The following MYO1C variants were observed in gnomAD, a reference collection of about 807,000 sequenced individuals.
MYO1C encodes unconventional myosin-Ic.
A neutral mutation model predicts 150.8 loss-of-function variants in MYO1C; 104 were observed. The ratio of observed to expected loss-of-function variants is 0.69; its 90% CI spans 0.59 to 0.81. MYO1C has a LOEUF of 0.81. Among genes scored for constraint, MYO1C ranks in the 30% least tolerant of loss-of-function variants. The pLI is 0.00. For missense variants in MYO1C, 1,504 were observed against 1,435.0 expected (o/e 1.05, Z -0.78); for synonymous variants, 663 against 579.9 (o/e 1.14, Z -2.06).
chr17:1,485,053 A>C (rs2074623131), intron 1 of MYO1C: 1 of 1,194,884 alleles, frequency 8.4e-7, no homozygotes, highest in Admixed American at 2.3e-5. Context: ...CCTTTCCTCC[A>C]GCTGCTGGGC....
intron 1 of MYO1C, chr17:1,486,240 GA>G (rs1210878869): frequency 6.6e-6 from 1 of 152,272 alleles, no homozygotes. Context: ...CTCCGTGCGG[GA>G]CGCCGTCCAC....
At position 1,471,356 on chromosome 17, in the gene MYO1C, C is replaced by A. The variant is rs45482194; in HGVS notation, c.2022-20G>T. ...TTGTACCTGGGGACAGGAATGCACG[C>A]GGCTCCCACCCCAGTCAGCAGCCTG... On this transcript the variant is annotated intron_variant, in intron 19 of 31. Transcript: ENST00000648651. The A allele has an allele frequency of 6.2e-7, 1 of 1,606,720 alleles. No individual in the cohort carries two copies. The highest frequency in any genetic ancestry group is 8.5e-7 in the Non-Finnish European group (1 of 1,174,580).
chr17:1,480,865 G>A lies in MYO1C; in HGVS notation c.648C>T (p.His216=), dbSNP rs750126885. 3.1e-6 allele frequency: 5 copies of A among 1,614,110 alleles called. No homozygotes were observed. The East Asian group carries it at 6.7e-5, about 22-fold the overall frequency. The part of the protein sequence containing the change: ...FDFKGAPVGG[H]ILSYLLEKSR... ...ACTTTTCCAGGAGGTAACTGAGGAT[G>A]TGGCCACCCACGGGGGCACCCTGTG... The change falls in exon 6 of 32, where the codon CAC becomes CAT. Residue 216 remains histidine (H), a synonymous_variant. Transcript: ENST00000648651.
At chr17:1,485,334 T>A in intron 1 of MYO1C, 2 of 631,608 alleles carry the variant, frequency 3.2e-6, no homozygotes, top group Admixed American at 9.7e-5. Flanking sequence ...CGGTGTCCTC[T>A]GACCACGAAA....
chr17:1,468,627 G>T, intron 25 of MYO1C, 131 bp from the exon 26 acceptor site: 6 of 728,914 alleles, frequency 8.2e-6, no homozygotes, highest in Non-Finnish European at 1.4e-5. Flanking sequence ...AGCACCAGGA[G>T]GCTGAGCCCT....
Position 1,478,161 on chromosome 17 carries a change from C to T in MYO1C, c.1327G>A (p.Glu443Lys), listed in dbSNP as rs1023038678. 1.3e-5 allele frequency: 21 copies of T among 1,613,894 alleles called. 1 individual carries two copies. Among genetic ancestry groups the T allele is most frequent in the South Asian group, 2.2e-5 (2 of 91,086 alleles). ...TCGATGAAGAGCTGCTGCAGCTTCT[C>T]GTTGCAGTAATTGATGCAGAACTGC... The part of the protein sequence containing the change: ...FEQFCINYCN[E>K]KLQQLFIELT... Residue 443 changes from glutamate to lysine, a missense_variant, in exon 12 of 32, where the codon GAG (glutamate) becomes AAG (lysine). Transcript: ENST00000648651. This position sits in a 1 kb window ranked among gnomAD's most constrained non-coding sequence, Gnocchi z 6.3.
In MYO1C at chr17:1,483,669, G is replaced by A; in HGVS notation, c.288C>T (p.Tyr96=). 6.2e-7 allele frequency: 1 copy of A among 1,613,354 alleles called. No individual in the cohort carries two copies. The highest frequency in any genetic ancestry group is 1.1e-5 in the South Asian group (1 of 90,878). ...GGTAACGCTCCATATGCTGCCGGCT[G>A]TAGATCTGCAGGTCCCGGTAGGGAT... The part of the protein sequence containing the change: ...SVNPYRDLQI[Y]SRQHMERYRG... The change falls in exon 3 of 32, where the codon TAC becomes TAT. Residue 96 remains tyrosine (Y), a synonymous_variant. Transcript: ENST00000648651.
chr17:1,489,042 G>T (rs375400031), intron 1 of MYO1C, among the ~76,000 whole-genome samples: 1 of 152,198 alleles, frequency 6.6e-6, no homozygotes, highest in East Asian at 1.9e-4. Flanking sequence ...TGGGGGCTGG[G>T]AGGAGGTGTC....
intron 25 of MYO1C, 103 bp from the exon 26 acceptor site, chr17:1,468,599 C>A: frequency 2.2e-6 from 2 of 911,254 alleles, no homozygotes; most frequent in South Asian, 2.8e-5. Context: ...CACCCGCTTG[C>A]TGGTCCCTCT....
At chr17:1,480,441 T>G in intron 7 of MYO1C, 86 bp downstream of exon 7, 1 of 1,190,982 alleles carries the variant, frequency 8.4e-7, no homozygotes, top group Non-Finnish European at 1.2e-6. Flanking sequence ...AGAATGAAAC[T>G]CCGTCTCAAA....
Position 1,479,544 on chromosome 17 carries a change from G to GGCCCCCCCCCCCC in MYO1C, c.1021-43_1021-42insGGGGGGGGGGGGC. 1 of 1,175,170 alleles carries GGCCCCCCCCCCCC rather than the reference G, an allele frequency of 8.5e-7. No individual in the cohort carries two copies. The highest frequency in any genetic ancestry group is 1.2e-6 in the Non-Finnish European group (1 of 804,194). 72.8% of individuals were successfully genotyped at this position (1,175,170 alleles called of 1,614,324 possible). ...AGGACACGGTGAGGGTGCACCCCCA[G>GGCCCCCCCCCCCC]CCCCCGCCCCCGCCGTCCTCCCGTC... is the stretch of plus-strand genomic sequence containing the variant. On this transcript the variant is annotated intron_variant, in intron 8 of 31. Coordinates refer to ENST00000648651, the MANE Select transcript of MYO1C (RefSeq NM_001080779.2). The surrounding 1 kb of genome is among the most constrained non-coding windows in gnomAD (Gnocchi z 4.2).
chr17:1,473,685 T>C (rs1403360916), intron 17 of MYO1C, among the ~76,000 whole-genome samples: 2 of 152,176 alleles, frequency 1.3e-5, no homozygotes, highest in Non-Finnish European at 2.9e-5. Context: ...ACCCTGGCCA[T>C]GCCTGCCTTT....
intron 1 of MYO1C, chr17:1,492,072 C>T: frequency 2.7e-6 from 1 of 374,920 alleles, no homozygotes; most frequent in South Asian, 2.3e-5. Flanking sequence ...TGGAGAGGAG[C>T]GGGGCGTTGA....
chr17:1,479,544 G>GCCCCC lies in MYO1C; in HGVS notation c.1020+43_1021-43dup. 10 of 1,175,154 alleles carry GCCCCC rather than the reference G, an allele frequency of 8.5e-6. No individual in the cohort carries two copies. The highest frequency in any genetic ancestry group is 1.2e-5 in the Non-Finnish European group (10 of 804,178). The allele number at this position is 1,175,154 out of a possible 1,614,324, so 72.8% of individuals were successfully genotyped here. ...AGGACACGGTGAGGGTGCACCCCCA[G>GCCCCC]CCCCCGCCCCCGCCGTCCTCCCGTC... On this transcript the variant is annotated intron_variant, in intron 8 of 31. Coordinates refer to ENST00000648651, the MANE Select transcript of MYO1C (RefSeq NM_001080779.2). This position sits in a 1 kb window ranked among gnomAD's most constrained non-coding sequence, Gnocchi z 4.2.
At chr17:1,485,803 G>GC in intron 1 of MYO1C, 7 of 766,222 alleles carry the variant, frequency 9.1e-6, no homozygotes, top group African/African-American at 1.9e-5. Context: ...GGGAGGGCCC[G>GC]CCCCCCGCAC....
intron 17 of MYO1C, 51 bp from the exon 18 acceptor site, chr17:1,472,279 T>G (rs749218148): frequency 6.5e-7 from 1 of 1,539,302 alleles, no homozygotes; most frequent in Non-Finnish European, 9.0e-7. Context: ...CTAAAGCTGC[T>G]GACCCCAGCA....
At chr17:1,475,172 G>A in intron 14 of MYO1C, 140 bp from the exon 15 acceptor site, 2 of 819,770 alleles carry the variant, frequency 2.4e-6, no homozygotes, top group Non-Finnish European at 4.1e-6. Context: ...TGTAATCCCA[G>A]CAGTTGGGGA....
At position 1,468,253 on chromosome 17, in the gene MYO1C, C is replaced by T. The variant is rs1250520106; in HGVS notation, c.2760G>A (p.Gln920=). Residue 920 remains glutamine, a splice_region_variant and synonymous_variant, in exon 27 of 32, where the codon CAG becomes CAA. Coordinates refer to ENST00000648651, the MANE Select transcript of MYO1C (RefSeq NM_001080779.2). The part of the protein sequence containing the change: ...VLQALGSEPI[Q]YAVPVVKYDR... ...CTCAGGGCTGCAGGCAGGCTCTTAC[C>T]TGAATGGGCTCAGAGCCCAAGGCCT... The T allele has an allele frequency of 1.2e-6, 2 of 1,613,434 alleles. No individual in the cohort carries two copies. The highest frequency in any genetic ancestry group is 8.5e-7 in the Non-Finnish European group (1 of 1,180,010).
At position 1,478,643 on chromosome 17, in the gene MYO1C, C is replaced by G. The variant is rs888863901; in HGVS notation, c.1185G>C (p.Gly395=). The part of the protein sequence containing the change: ...VYSRTFTWLV[G]KINRSLASKD... ...TGGAGGCCAGCGACCTGTTGATCTT[C>G]CCGACGAGCCAGGTAAAAGTGCGGC... The change falls in exon 10 of 32, where the codon GGG becomes GGC. Residue 395 remains glycine, a synonymous_variant. Transcript: ENST00000648651. This position sits in a 1 kb window ranked among gnomAD's most constrained non-coding sequence, Gnocchi z 6.3. 1.9e-6 allele frequency: 3 copies of G among 1,614,172 alleles called. No individual in the cohort carries two copies. The highest frequency in any genetic ancestry group is 1.6e-4 in the Middle Eastern group (1 of 6,062).
Sources: allele counts gnomAD v4.1 joint callset (sites outside exome capture counted in the v4.1 genomes callset), GRCh38; gene constraint gnomAD v4.1.1; non-coding constraint Gnocchi (gnomAD v3.1); transcripts MANE v1.5; gene names NCBI Gene and HGNC (gene_info 2026-07-23, HGNC 2026-07-21).